The following DSCAM variants were observed in gnomAD, a reference collection of about 807,000 sequenced individuals.
The protein encoded by DSCAM is DS cell adhesion molecule, also known as cell adhesion molecule DSCAM.
A neutral mutation model predicts 217.7 loss-of-function variants in DSCAM; 47 were observed. The ratio of observed to expected loss-of-function variants is 0.22; its 90% confidence interval spans 0.17 to 0.28. The LOEUF is 0.28. DSCAM is among the 10% of genes least tolerant of loss of function. The pLI, the probability that DSCAM is intolerant of heterozygous loss-of-function variation, is 1.00. For missense variants in DSCAM, 2,080 were observed against 2,618.3 expected, an observed-to-expected ratio of 0.79 and a Z score of 4.49; for synonymous variants, 1,056 against 1,015.3, an observed-to-expected ratio of 1.04 and a Z score of -0.76.
chr21:40,663,014 T>C (rs1195333337), intron 3 of DSCAM, among the ~76,000 whole-genome samples: 2 of 151,976 alleles, frequency 1.3e-5, no homozygotes, highest in African/African-American at 4.8e-5. Context: ...CTTTTCATAG[T>C]TGTCAATGAT....
rs537013226 is a variant in DSCAM, at chr21:40,168,415, C to T, written c.2948-1127G>A. ...AGAATGTAATCAGAGCTATGAGATA[C>T]ACACACTGAAAGAAGGTTGCAATGC... is the stretch of plus-strand genomic sequence containing the variant. On this transcript the variant is annotated intron_variant, in intron 15 of 32. Coordinates refer to ENST00000400454, the MANE Select transcript of DSCAM (RefSeq NM_001389.5). Among the ~76,000 whole-genome samples, 3 of 152,234 alleles carry T rather than the reference C, an allele frequency of 2.0e-5. No individual in the cohort carries two copies. In the South Asian group the frequency reaches 6.2e-4, roughly 32 times the overall value.
chr21:40,829,126 C>G (rs1280002043), intron 1 of DSCAM, among the ~76,000 whole-genome samples: 1 of 152,204 alleles, frequency 6.6e-6, no homozygotes, highest in Non-Finnish European at 1.5e-5. Context: ...AATCCCCCAT[C>G]ATCAGTGGGG....
intron 32 of DSCAM, among the ~76,000 whole-genome samples, chr21:40,042,052 A>AAGCACCTTGTGG (rs1296228050): frequency 6.6e-6 from 1 of 152,132 alleles, no homozygotes; most frequent in African/African-American, 2.4e-5. Context: ...GAGGAAGCTA[A>AAGCACCTTGTGG]AGCACCTTGT....
At chr21:40,716,083 G>A (rs1282514028) in intron 1 of DSCAM, among the ~76,000 whole-genome samples, 1 of 152,082 alleles carries the variant, frequency 6.6e-6, no homozygotes, top group African/African-American at 2.4e-5. Flanking sequence ...AGAGATAAGC[G>A]ACCTATGGGG....
intron 20 of DSCAM, among the ~76,000 whole-genome samples, chr21:40,102,609 TATA>T (rs928143471): frequency 6.6e-6 from 1 of 152,206 alleles, no homozygotes; most frequent in Non-Finnish European, 1.5e-5. Context: ...GTGGTGTTGA[TATA>T]ATATTTTTCT....
intron 3 of DSCAM, among the ~76,000 whole-genome samples, chr21:40,451,185 G>A (rs2075716195): frequency 6.6e-6 from 1 of 152,174 alleles, no homozygotes; most frequent in Non-Finnish European, 1.5e-5. Context: ...GATGGCTGAG[G>A]TTAAGTTGTT....
In DSCAM at chr21:40,052,075, C is replaced by T; in HGVS notation, c.5068G>A (p.Asp1690Asn). 9 of 1,614,112 alleles carry T rather than the reference C, an allele frequency of 5.6e-6. No homozygotes were observed. Among genetic ancestry groups the T allele is most frequent in the Non-Finnish European group, 7.6e-6 (9 of 1,180,016 alleles). Reference protein sequence around the residue: ...DRSTVLLTDADFGEAAKQKSL... With the variant: ...DRSTVLLTDANFGEAAKQKSL... ...TTCTGCTTAGCTGCCTCTCCAAAGT[C>T]AGCATCCGTCAACAGAACCGTGGAG... The change falls in exon 30 of 33, where the codon GAC (aspartate) becomes AAC (asparagine). Residue 1690 changes from aspartate to asparagine, a missense_variant. Physicochemically the swap from Asp to Asn is conservative, Grantham distance 23. This residue lies in a region of DSCAM where 1,144 missense variants were observed against 1,421.1 expected (regional missense o/e 0.81). Transcript: ENST00000400454.
At chr21:40,178,696 T>G (rs548442554) in intron 15 of DSCAM, among the ~76,000 whole-genome samples, 30 of 152,314 alleles carry the variant, frequency 2.0e-4, no homozygotes, top group African/African-American at 6.7e-4. Flanking sequence ...GTCTTTCTTT[T>G]AAGTCTTGGG....
chr21:40,507,744 C>A (rs1338901585), intron 3 of DSCAM, among the ~76,000 whole-genome samples: 2 of 152,142 alleles, frequency 1.3e-5, no homozygotes, highest in Non-Finnish European at 2.9e-5. Context: ...GATCATGCCA[C>A]TGCACTACAG....
At chr21:40,304,039 C>T (rs1345691517) in intron 9 of DSCAM, among the ~76,000 whole-genome samples, 4 of 152,148 alleles carry the variant, frequency 2.6e-5, no homozygotes, top group Non-Finnish European at 2.9e-5. Flanking sequence ...TAATCAATGC[C>T]AAGGTCACTC....
chr21:40,510,435 G>C (rs998022816), intron 3 of DSCAM, among the ~76,000 whole-genome samples: 1 of 152,142 alleles, frequency 6.6e-6, no homozygotes, highest in Non-Finnish European at 1.5e-5. Context: ...TAGTATTGTT[G>C]ACCAAAATTA....
At chr21:40,302,759 A>T (rs927683336) in intron 9 of DSCAM, among the ~76,000 whole-genome samples, 28 of 152,166 alleles carry the variant, frequency 1.8e-4, no homozygotes, top group African/African-American at 6.8e-4. Flanking sequence ...TGAAGTTTCA[A>T]ATAGGTTTCT....
intron 11 of DSCAM, among the ~76,000 whole-genome samples, chr21:40,257,249 C>G (rs1358089955): frequency 6.6e-6 from 1 of 152,200 alleles, no homozygotes; most frequent in East Asian, 1.9e-4. Context: ...CTAACCTACA[C>G]ACATCCTCCT....
intron 1 of DSCAM, among the ~76,000 whole-genome samples, chr21:40,842,121 A>G (rs2092107049): frequency 6.6e-6 from 1 of 152,104 alleles, no homozygotes; most frequent in African/African-American, 2.4e-5. Context: ...GAGTCTTGTG[A>G]GGTTTGCCGC....
At chr21:40,149,910 A>G (rs1454835657) in intron 16 of DSCAM, among the ~76,000 whole-genome samples, 1 of 151,842 alleles carries the variant, frequency 6.6e-6, no homozygotes, top group Non-Finnish European at 1.5e-5. Context: ...CCATTATTCC[A>G]TCACTATCCC....
chr21:40,022,877 T>C (rs2088300323), intron 32 of DSCAM, among the ~76,000 whole-genome samples: 4 of 152,150 alleles, frequency 2.6e-5, no homozygotes, highest in African/African-American at 7.2e-5. Flanking sequence ...TTCTTTTCTT[T>C]TTTTCTTTTA....
intron 8 of DSCAM, among the ~76,000 whole-genome samples, chr21:40,322,031 C>A (rs553191689): frequency 6.6e-6 from 1 of 152,170 alleles, no homozygotes; most frequent in African/African-American, 2.4e-5. Context: ...TCTCAGCCTA[C>A]CCTATGCCCA....
At chr21:40,322,900 A>G (rs2074275686) in intron 8 of DSCAM, among the ~76,000 whole-genome samples, 1 of 152,174 alleles carries the variant, frequency 6.6e-6, no homozygotes, top group African/African-American at 2.4e-5. Context: ...TTTGACATCT[A>G]CGTAAGTGGG....
At chr21:40,329,946 T>G (rs2123555970) in intron 8 of DSCAM, among the ~76,000 whole-genome samples, 1 of 152,006 alleles carries the variant, frequency 6.6e-6, no homozygotes, top group South Asian at 2.1e-4. Context: ...GTCCAAGAGA[T>G]CTATTGTACA....
Sources: gnomAD v4.1 joint callset for allele counts (sites outside exome capture counted in the v4.1 genomes callset) on GRCh38, gnomAD v4.1.1 for gene constraint, gnomAD v4.1.1 regional missense constraint, MANE v1.5 for transcripts, NCBI Gene and HGNC (gene_info 2026-07-23, HGNC 2026-07-21) for gene names.